The following NELL1 variants were observed in gnomAD, a reference collection of about 807,000 sequenced individuals.
The protein encoded by NELL1 is protein kinase C-binding protein NELL1.
In NELL1, 76 loss-of-function variants were observed where a neutral mutation model predicts 107.4. The ratio of observed to expected loss-of-function variants is 0.71; its 90% CI spans 0.59 to 0.86. The LOEUF is 0.86. Among genes scored for constraint, NELL1 ranks in the 40% least tolerant of loss-of-function variants. NELL1 has a pLI of 0.00. For synonymous variants in NELL1, 353 were observed against 341.2 expected, an observed-to-expected ratio of 1.03 and a Z score of -0.38; for missense variants, 1,024 against 1,005.5, an observed-to-expected ratio of 1.02 and a Z score of -0.25.
At chr11:21,142,361 C>G (rs965948809) in intron 13 of NELL1, among the ~76,000 whole-genome samples, 1 of 152,214 alleles carries the variant, frequency 6.6e-6, no homozygotes. Flanking sequence ...TCCTGTTGTT[C>G]TACAGAGTCT....
chr11:21,344,694 ACT>A (rs1243424429), intron 14 of NELL1, among the ~76,000 whole-genome samples: 17 of 152,120 alleles, frequency 1.1e-4, no homozygotes, highest in Admixed American at 2.6e-4. Flanking sequence ...CTACCTGTTA[ACT>A]CTGTGTTTTG....
chr11:20,980,191 T>G (rs1325545006), intron 12 of NELL1, among the ~76,000 whole-genome samples: 1 of 152,208 alleles, frequency 6.6e-6, no homozygotes, highest in Non-Finnish European at 1.5e-5. Context: ...GTACTAAGAC[T>G]ACAAAGGAGG....
chr11:21,396,106 A>C (rs1463588753), intron 15 of NELL1, among the ~76,000 whole-genome samples: 3 of 151,448 alleles, frequency 2.0e-5, no homozygotes, highest in Non-Finnish European at 3.0e-5. Context: ...TTTTGCCCCA[A>C]TGCCTTGTCA....
intron 5 of NELL1, among the ~76,000 whole-genome samples, chr11:20,889,746 C>A (rs376106664): frequency 2.0e-5 from 3 of 152,096 alleles, no homozygotes; most frequent in Non-Finnish European, 4.4e-5. Flanking sequence ...CAGTGCGGTG[C>A]GACGGCCCAT....
At chr11:21,037,446 T>C (rs1336092359) in intron 12 of NELL1, among the ~76,000 whole-genome samples, 1 of 152,044 alleles carries the variant, frequency 6.6e-6, no homozygotes, top group Non-Finnish European at 1.5e-5. Flanking sequence ...CTAGGGGATA[T>C]TTTTATATAT....
intron 15 of NELL1, among the ~76,000 whole-genome samples, chr11:21,426,625 A>G (rs1852828778): frequency 6.6e-6 from 1 of 152,156 alleles, no homozygotes; most frequent in Non-Finnish European, 1.5e-5. Flanking sequence ...TTCCTATTGC[A>G]TTAGGTAGGT....
chr11:21,087,500 A>G (rs1191891583), intron 12 of NELL1, among the ~76,000 whole-genome samples: 1 of 152,212 alleles, frequency 6.6e-6, no homozygotes, highest in East Asian at 1.9e-4. Flanking sequence ...GACAAATATT[A>G]TTATATGTGA....
At chr11:21,544,075 A>T (rs1856367395) in intron 16 of NELL1, among the ~76,000 whole-genome samples, 2 of 151,998 alleles carry the variant, frequency 1.3e-5, no homozygotes, top group African/African-American at 2.4e-5. Flanking sequence ...AAAAAGAAAA[A>T]AACTACAACT....
chr11:20,981,194 G>C (rs11025848), intron 12 of NELL1, among the ~76,000 whole-genome samples: 7,196 of 152,174 alleles, frequency 0.047, 222 homozygotes, highest in Middle Eastern at 0.2. Flanking sequence ...CAGACAAATA[G>C]GGAGAAAAAA....
chr11:21,501,566 A>G (rs1288585917), intron 15 of NELL1, among the ~76,000 whole-genome samples: 2 of 152,200 alleles, frequency 1.3e-5, no homozygotes, highest in African/African-American at 4.8e-5. Flanking sequence ...AATGAACTGG[A>G]CAAAGAAATG....
At chr11:20,726,378 T>C (rs1349167942) in intron 2 of NELL1, among the ~76,000 whole-genome samples, 1 of 152,194 alleles carries the variant, frequency 6.6e-6, no homozygotes, top group Non-Finnish European at 1.5e-5. Context: ...GCAAAGTGAA[T>C]ACAACTGTAT....
Position 20,786,815 on chromosome 11 carries a change from T to C in NELL1, c.335+2985T>C, listed in dbSNP as rs374086914. On this transcript the variant is annotated intron_variant, in intron 3 of 19. Transcript: ENST00000357134. ...CAAGGTCAGGAGATCGAGACCATCC[T>C]GGCTAACACGGTGAAACCCCGTCTC... is the stretch of plus-strand genomic sequence containing the variant. Among the ~76,000 whole-genome samples the C allele has an allele frequency of 1.3e-3, 195 of 151,804 alleles. 1 individual carries two copies. The highest frequency in any genetic ancestry group is 3.2e-3 in the Middle Eastern group (1 of 314).
chr11:21,179,160 GC>G (rs1856772994), intron 13 of NELL1, among the ~76,000 whole-genome samples: 1 of 151,866 alleles, frequency 6.6e-6, no homozygotes, highest in South Asian at 2.1e-4. Context: ...CAGATAAACA[GC>G]TGACAGCTTC....
intron 13 of NELL1, among the ~76,000 whole-genome samples, chr11:21,161,004 C>CAT (rs1310142054): frequency 3.2e-5 from 3 of 94,986 alleles, no homozygotes; most frequent in African/African-American, 1.4e-4. Flanking sequence ...CCTTTATACA[C>CAT]ACACACACAC....
At chr11:21,021,585 G>A (rs1033441025) in intron 12 of NELL1, among the ~76,000 whole-genome samples, 6 of 152,010 alleles carry the variant, frequency 3.9e-5, no homozygotes, top group Non-Finnish European at 1.5e-5. Context: ...TGTGTAAATT[G>A]CACATGAACT....
At chr11:20,818,896 T>A (rs1857686279) in intron 3 of NELL1, among the ~76,000 whole-genome samples, 1 of 152,214 alleles carries the variant, frequency 6.6e-6, no homozygotes, top group African/African-American at 2.4e-5. Flanking sequence ...GCTAGGTACT[T>A]CAAATGTGTG....
intron 14 of NELL1, among the ~76,000 whole-genome samples, chr11:21,291,085 A>G (rs1849248422): frequency 6.6e-6 from 1 of 152,174 alleles, no homozygotes; most frequent in South Asian, 2.1e-4. Context: ...AAGGAAGCTA[A>G]GAACATTGAA....
At chr11:21,421,653 G>A (rs1164137788) in intron 15 of NELL1, among the ~76,000 whole-genome samples, 4 of 120,780 alleles carry the variant, frequency 3.3e-5, no homozygotes, top group Non-Finnish European at 7.0e-5. Context: ...ACTTCCAGGA[G>A]ATTTAAAGAG....
At chr11:21,507,171 G>A (rs1394844312) in intron 15 of NELL1, among the ~76,000 whole-genome samples, 1 of 152,144 alleles carries the variant, frequency 6.6e-6, no homozygotes, top group East Asian at 1.9e-4. Flanking sequence ...AAATCACAAT[G>A]CCTGAGACAT....
Sources: gnomAD v4.1 joint callset for allele counts (sites outside exome capture counted in the v4.1 genomes callset) on GRCh38, gnomAD v4.1.1 for gene constraint, MANE v1.5 for transcripts, NCBI Gene and HGNC (gene_info 2026-07-23, HGNC 2026-07-21) for gene names.